PPFIA2: variants seen among roughly 807,000 people sequenced by gnomAD.
PPFIA2 encodes the protein PPFI scaffold protein A2.
In PPFIA2, 46 loss-of-function variants were observed where a neutral mutation model predicts 175.5. That is an observed-to-expected ratio of 0.26 (90% confidence interval 0.21 to 0.34). The LOEUF is 0.34. Ranked by LOEUF, PPFIA2 falls within the 10% of genes least tolerant of loss-of-function variation. The pLI is 1.00. For synonymous variants in PPFIA2, 568 were observed against 511.4 expected (o/e 1.11, Z -1.49); for missense variants, 1,179 against 1,506.1 (o/e 0.78, Z 3.60).
intron 28 of PPFIA2, among the ~76,000 whole-genome samples, chr12:81,274,862 T>G (rs889473791): frequency 1.3e-5 from 2 of 152,186 alleles, no homozygotes; most frequent in African/African-American, 4.8e-5. Context: ...GATAGAGTTG[T>G]GTGTGATCAT....
At chr12:81,667,140 G>T (rs2070485398) in intron 4 of PPFIA2, among the ~76,000 whole-genome samples, 1 of 152,032 alleles carries the variant, frequency 6.6e-6, no homozygotes, top group African/African-American at 2.4e-5. Flanking sequence ...AGCTTCTCCA[G>T]CATGTTTATC....
intron 4 of PPFIA2, among the ~76,000 whole-genome samples, chr12:81,619,691 T>C (rs1052642775): frequency 6.6e-6 from 1 of 152,152 alleles, no homozygotes; most frequent in South Asian, 2.1e-4. Context: ...TTCTGGAAAT[T>C]TTAGAGTTTC....
In PPFIA2 at chr12:81,756,425, A is replaced by T. The variant is rs139894147; in HGVS notation, c.-3+1975T>A. Among the ~76,000 whole-genome samples the T allele has an allele frequency of 2.0e-5, 3 of 152,186 alleles. No individual in the cohort carries two copies. The South Asian group carries it at 6.2e-4, about 32-fold the overall frequency. ...GAAAATAATATCCTAACAATCCCTC[A>T]TTGTTACCATGGGATATAAACATTC... On this transcript the variant is annotated intron_variant, in intron 2 of 32. Transcript: ENST00000549396.
At chr12:81,381,330 A>G (rs2141916055) in intron 9 of PPFIA2, among the ~76,000 whole-genome samples, 1 of 152,280 alleles carries the variant, frequency 6.6e-6, no homozygotes, top group Non-Finnish European at 1.5e-5. Context: ...ACCTGGCATC[A>G]TAGGAGTGAC....
At chr12:81,571,431 C>G (rs1567387457) in intron 4 of PPFIA2, among the ~76,000 whole-genome samples, 1 of 152,090 alleles carries the variant, frequency 6.6e-6, no homozygotes, top group Non-Finnish European at 1.5e-5. Context: ...AGCAACGTAA[C>G]CGAGCAGCTT....
chr12:81,357,892 A>G (rs1380620411), intron 16 of PPFIA2, among the ~76,000 whole-genome samples, 190 bp downstream of exon 16: 4 of 152,160 alleles, frequency 2.6e-5, no homozygotes, highest in Non-Finnish European at 4.4e-5. Context: ...TACATGGGAA[A>G]TGCTTATTCA....
At chr12:81,407,233 T>C (rs929039407) in intron 7 of PPFIA2, among the ~76,000 whole-genome samples, 1 of 152,036 alleles carries the variant, frequency 6.6e-6, no homozygotes, top group Non-Finnish European at 1.5e-5. Flanking sequence ...GCCTGTAATC[T>C]CGGCACTTTG....
chr12:81,319,742 G>C (rs890648202), intron 22 of PPFIA2, among the ~76,000 whole-genome samples: 4 of 151,846 alleles, frequency 2.6e-5, no homozygotes, highest in Admixed American at 6.6e-5. Flanking sequence ...TGACAAGACT[G>C]GGAAAATCTC....
chr12:81,452,676 T>C (rs2052819676), intron 5 of PPFIA2, among the ~76,000 whole-genome samples: 1 of 152,232 alleles, frequency 6.6e-6, no homozygotes, highest in Admixed American at 6.5e-5. Flanking sequence ...GGACCGTATT[T>C]TCTACCCATT....
chr12:81,726,332 GA>G (rs925906924), intron 3 of PPFIA2, among the ~76,000 whole-genome samples: 3 of 151,098 alleles, frequency 2.0e-5, no homozygotes, highest in African/African-American at 7.3e-5. Flanking sequence ...CTGTCTGGAG[GA>G]AAAGAAAACT....
intron 4 of PPFIA2, among the ~76,000 whole-genome samples, chr12:81,496,819 G>A (rs1331784644): frequency 6.6e-6 from 1 of 152,112 alleles, no homozygotes; most frequent in Non-Finnish European, 1.5e-5. Flanking sequence ...CCAGAAGAAT[G>A]GTTTAATATG....
chr12:81,632,930 T>G (rs918311740), intron 4 of PPFIA2, among the ~76,000 whole-genome samples: 1 of 152,078 alleles, frequency 6.6e-6, no homozygotes, highest in Non-Finnish European at 1.5e-5. Context: ...ATACTGATTT[T>G]CAGTGGCATT....
chr12:81,747,338 A>G lies in PPFIA2; in HGVS notation c.249+6635T>C, dbSNP rs868374308. 2.8e-4 allele frequency among the ~76,000 whole-genome samples: 41 copies of G among 144,346 alleles called. 5 individuals are homozygous for G. The highest frequency in any genetic ancestry group is 7.5e-4 in the African/African-American group (31 of 41,116). The allele number at this position is 144,346 out of a possible 152,430, so 94.7% of individuals were successfully genotyped here. A position where few individuals can be genotyped will look rare whatever the true frequency, so the allele number is the denominator to read the frequency against. ...ATGTTGTTTGATGTAATCAAGGGAC[A>G]TGTGTGACTGGCCATGGTGGAAGTG... On this transcript the variant is annotated intron_variant, in intron 3 of 32. Transcript: ENST00000549396.
At chr12:81,262,202 T>C (rs1057182623) in intron 31 of PPFIA2, among the ~76,000 whole-genome samples, 162 bp from the exon 32 acceptor site, 6 of 152,168 alleles carry the variant, frequency 3.9e-5, no homozygotes, top group African/African-American at 1.4e-4. Flanking sequence ...TAGATCAAGT[T>C]CCTAATGAAA....
chr12:81,640,920 T>C (rs950985912), intron 4 of PPFIA2, among the ~76,000 whole-genome samples: 2 of 152,122 alleles, frequency 1.3e-5, no homozygotes, highest in East Asian at 3.8e-4. Context: ...AATTAAGTTG[T>C]TTGCATAAGC....
intron 22 of PPFIA2, among the ~76,000 whole-genome samples, chr12:81,309,828 T>C (rs2050290034): frequency 6.6e-6 from 1 of 152,022 alleles, no homozygotes; most frequent in Admixed American, 6.6e-5. Flanking sequence ...AATTTAAATA[T>C]TTTCAAAGCC....
intron 17 of PPFIA2, among the ~76,000 whole-genome samples, chr12:81,349,627 C>A (rs1213272458): frequency 7.3e-6 from 1 of 137,494 alleles, no homozygotes; most frequent in East Asian, 2.5e-4. Context: ...AGAAAAATGA[C>A]TCCTAGAAAT....
rs1385787646 is a variant in PPFIA2, at chr12:81,384,018, C to G, written c.984+5G>C. 1.2e-6 allele frequency: 2 copies of G among 1,600,048 alleles called. No individual in the cohort carries two copies. The highest frequency in any genetic ancestry group is 2.2e-5 in the South Asian group (2 of 90,586). ...CAAAGACTGAAAGTGGCATGAATCA[C>G]TTACCTCCCTAATGTCCCTTTGATA... On this transcript the variant is annotated splice_donor_5th_base_variant and intron_variant, in intron 9 of 32. Coordinates refer to ENST00000549396, the MANE Select transcript of PPFIA2 (RefSeq NM_003625.5).
intron 4 of PPFIA2, among the ~76,000 whole-genome samples, chr12:81,601,725 G>A (rs149652005): frequency 1.3e-3 from 193 of 151,776 alleles, no homozygotes; most frequent in Non-Finnish European, 2.1e-3. Context: ...ATCTAGTACT[G>A]TACTTTCCAA....
Sources: gnomAD v4.1 joint callset for allele counts (sites outside exome capture counted in the v4.1 genomes callset) on GRCh38, gnomAD v4.1.1 for gene constraint, MANE v1.5 for transcripts, NCBI Gene and HGNC (gene_info 2026-07-23, HGNC 2026-07-21) for gene names.